Variants in TDRD7 observed in about 807,000 individuals in gnomAD.
The protein encoded by TDRD7 is tudor domain containing 7, also known as tudor domain-containing protein 7.
In TDRD7, 47 loss-of-function variants were observed where a neutral mutation model predicts 109.8. That is an observed-to-expected ratio of 0.43 (90% CI 0.34 to 0.55). The LOEUF (loss-of-function observed/expected upper bound fraction) is 0.55, where lower values mean the gene tolerates loss of function less well. TDRD7 is among the 20% of genes least tolerant of loss of function. The pLI is 0.03. For synonymous variants in TDRD7, 424 were observed against 457.3 expected (o/e 0.93, Z 0.93); for missense variants, 1,164 against 1,319.2 (o/e 0.88, Z 1.82).
At chr9:97,428,034 G>A (rs747032779) in intron 1 of TDRD7, among the ~76,000 whole-genome samples, 4 of 152,068 alleles carry the variant, frequency 2.6e-5, no homozygotes, top group Non-Finnish European at 4.4e-5. Context: ...GTTCAGTCAC[G>A]TCCAGCCACC....
At chr9:97,426,610 C>T (rs1213759682) in intron 1 of TDRD7, among the ~76,000 whole-genome samples, 1 of 152,166 alleles carries the variant, frequency 6.6e-6, no homozygotes, top group African/African-American at 2.4e-5. Flanking sequence ...ACACATTAGC[C>T]TTGGCCTATA....
intron 7 of TDRD7, 79 bp from the exon 8 acceptor site, chr9:97,464,763 A>G: frequency 2.0e-6 from 3 of 1,504,450 alleles, no homozygotes; most frequent in Non-Finnish European, 2.7e-6. Context: ...CAGGGAAAAA[A>G]GAAGGACAAA....
chr9:97,473,879 T>C (rs1383845100), intron 11 of TDRD7, among the ~76,000 whole-genome samples: 1 of 152,334 alleles, frequency 6.6e-6, no homozygotes. Flanking sequence ...GAGGACACTG[T>C]GCCTGGCATG....
intron 1 of TDRD7, among the ~76,000 whole-genome samples, chr9:97,418,765 T>C (rs1336946602): frequency 1.3e-5 from 2 of 152,160 alleles, no homozygotes; most frequent in Admixed American, 1.3e-4. Context: ...AATCACAGTG[T>C]TCTGTTAGGT....
At position 97,487,184 on chromosome 9, in the gene TDRD7, GC is replaced by G; in HGVS notation, c.2929del (p.Leu977PhefsTer2). The G allele has an allele frequency of 6.2e-7, 1 of 1,613,950 alleles. No homozygotes were observed. Among genetic ancestry groups the G allele is most frequent in the Non-Finnish European group, 8.5e-7 (1 of 1,179,880 alleles). Reference protein sequence around the residue: ...AKVENKWHRVLLKGILTNGLV... With the variant: ...AKVENKWHRVXLKGILTNGLV... ...AATGTACATCTAGGTGGCACAGGGT[GC>G]TTTTAAAAGGAATCCTGACCAATGG... On this transcript the variant is annotated frameshift_variant, in exon 16 of 17. Transcript: ENST00000355295. LOFTEE classifies it high-confidence loss of function.
intron 8 of TDRD7, among the ~76,000 whole-genome samples, chr9:97,466,578 A>T (rs570547943): frequency 6.6e-6 from 1 of 152,240 alleles, no homozygotes; most frequent in Non-Finnish European, 1.5e-5. Flanking sequence ...AAAACAAATT[A>T]TAGTTTATTC....
chr9:97,463,217 A>G (rs1200513101), intron 7 of TDRD7, among the ~76,000 whole-genome samples: 1 of 152,154 alleles, frequency 6.6e-6, no homozygotes, highest in East Asian at 1.9e-4. Flanking sequence ...AGTCCAACCT[A>G]GGTAACACAG....
chr9:97,418,862 G>A (rs1040852513), intron 1 of TDRD7, among the ~76,000 whole-genome samples: 1 of 152,160 alleles, frequency 6.6e-6, no homozygotes, highest in African/African-American at 2.4e-5. Context: ...TCCTAATGTA[G>A]CTGAGAAAAG....
intron 12 of TDRD7, among the ~76,000 whole-genome samples, chr9:97,477,010 T>C (rs1351681709): frequency 2.6e-5 from 4 of 152,224 alleles, no homozygotes; most frequent in African/African-American, 9.6e-5. Flanking sequence ...TGCCTAGGTA[T>C]AAACTTCAAA....
intron 4 of TDRD7, among the ~76,000 whole-genome samples, chr9:97,435,518 C>T (rs1218332439): frequency 6.6e-6 from 1 of 150,982 alleles, no homozygotes. Flanking sequence ...CACCTGTAGT[C>T]TCAGCTGCTT....
At chr9:97,435,433 C>T (rs1828177357) in intron 4 of TDRD7, among the ~76,000 whole-genome samples, 1 of 147,128 alleles carries the variant, frequency 6.8e-6, no homozygotes, top group East Asian at 2.0e-4. Context: ...AGTACAAGAA[C>T]AGCCTGGGCA....
chr9:97,420,856 G>A (rs971240523), intron 1 of TDRD7, among the ~76,000 whole-genome samples: 2 of 152,188 alleles, frequency 1.3e-5, no homozygotes, highest in South Asian at 2.1e-4. Flanking sequence ...CAAACTGGCC[G>A]GGGCAGTGGC....
chr9:97,455,353 C>G (rs1471680159), intron 6 of TDRD7, among the ~76,000 whole-genome samples: 1 of 152,184 alleles, frequency 6.6e-6, no homozygotes, highest in Non-Finnish European at 1.5e-5. Context: ...GATACCAAAA[C>G]TGGGAAGAGA....
At position 97,495,881 on chromosome 9, in the gene TDRD7, T is replaced by C. The variant is rs780292059; in HGVS notation, c.3295T>C (p.Ter1099GlnextTer1). 2 of 1,612,534 alleles carry C rather than the reference T, an allele frequency of 1.2e-6. No individual in the cohort carries two copies. Among genetic ancestry groups the C allele is most frequent in the Non-Finnish European group, 1.7e-6 (2 of 1,178,662 alleles). The change falls in exon 17 of 17, where the codon TAA becomes CAA. Residue 1099 changes from the stop codon to glutamine, a stop_lost. Transcript: ENST00000355295. ...TCTGATAGAGCTTTCAAAAGTTAAT[T>C]AATGACTGCCTCTGAAACCTTGACA... is the stretch of plus-strand genomic sequence containing the variant. ...EYLIELSKVN[*>Q]
chr9:97,451,210 G>C (rs890876849), intron 6 of TDRD7, among the ~76,000 whole-genome samples: 2 of 151,966 alleles, frequency 1.3e-5, no homozygotes, highest in Admixed American at 1.3e-4. Context: ...ACTCCTTCCG[G>C]CATACGTCAC....
intron 1 of TDRD7, among the ~76,000 whole-genome samples, chr9:97,415,469 C>G (rs1239140615): frequency 6.6e-6 from 1 of 152,172 alleles, no homozygotes; most frequent in African/African-American, 2.4e-5. Context: ...AAGAGAAAAG[C>G]TGTGAATTTA....
intron 14 of TDRD7, among the ~76,000 whole-genome samples, chr9:97,481,775 T>C (rs1306330930): frequency 6.6e-6 from 1 of 152,198 alleles, no homozygotes; most frequent in Non-Finnish European, 1.5e-5. Flanking sequence ...TCAATAAAAG[T>C]ACTTTTTGTT....
chr9:97,490,640 CATT>C (rs1230423056), intron 16 of TDRD7, among the ~76,000 whole-genome samples: 1 of 150,618 alleles, frequency 6.6e-6, no homozygotes, highest in East Asian at 1.9e-4. Context: ...AATTCTCAGT[CATT>C]ATTGTTTCAA....
At chr9:97,471,388 G>A (rs1404818443) in intron 9 of TDRD7, among the ~76,000 whole-genome samples, 2 of 152,152 alleles carry the variant, frequency 1.3e-5, no homozygotes, top group African/African-American at 2.4e-5. Flanking sequence ...CACAGGAGCT[G>A]GGTTTGACTC....
Sources: allele counts gnomAD v4.1 joint callset (sites outside exome capture counted in the v4.1 genomes callset), GRCh38; gene constraint gnomAD v4.1.1; transcripts MANE v1.5; gene names NCBI Gene and HGNC (gene_info 2026-07-23, HGNC 2026-07-21).